Variants in CCSER1 observed in about 807,000 individuals in gnomAD.
CCSER1 encodes the protein serine-rich coiled-coil domain-containing protein 1.
Under a neutral mutation model 82.0 loss-of-function variants are expected in CCSER1, and 41 were observed. The observed-to-expected ratio is 0.50, with a 90% CI of 0.39 to 0.65. CCSER1 has a LOEUF of 0.65. Ranked by LOEUF, CCSER1 falls within the 30% of genes least tolerant of loss-of-function variation. The pLI is 0.00. For missense variants in CCSER1, 1,119 were observed against 1,064.2 expected (o/e 1.05, Z -0.72); for synonymous variants, 414 against 383.9 (o/e 1.08, Z -0.92).
chr4:90,599,280 C>T (rs1783754556), intron 5 of CCSER1, among the ~76,000 whole-genome samples: 1 of 151,918 alleles, frequency 6.6e-6, no homozygotes, highest in Non-Finnish European at 1.5e-5. Context: ...GTGGTTTTTC[C>T]CATTATGTTT....
intron 9 of CCSER1, among the ~76,000 whole-genome samples, chr4:90,997,227 G>T (rs1737575957): frequency 6.6e-6 from 1 of 152,080 alleles, no homozygotes; most frequent in Non-Finnish European, 1.5e-5. Flanking sequence ...CTTCTAAAAT[G>T]TGTCCACATT....
At chr4:90,141,672 C>T (rs1413341316) in intron 1 of CCSER1, among the ~76,000 whole-genome samples, 19 of 152,198 alleles carry the variant, frequency 1.2e-4, no homozygotes, top group Admixed American at 1.2e-3. Flanking sequence ...TGTTAGATGA[C>T]TGACTGGTAA....
chr4:90,714,015 C>T (rs190527695), intron 6 of CCSER1, among the ~76,000 whole-genome samples: 8 of 151,846 alleles, frequency 5.3e-5, no homozygotes, highest in African/African-American at 1.9e-4. Flanking sequence ...CCTTCTAAGT[C>T]TCTTTCAGTC....
intron 10 of CCSER1, among the ~76,000 whole-genome samples, chr4:91,160,211 C>T (rs551182013): frequency 6.6e-6 from 1 of 152,284 alleles, no homozygotes; most frequent in East Asian, 1.9e-4. Context: ...CATGTCCCTA[C>T]AAAGGACATG....
At chr4:90,549,181 A>C (rs1777154788) in intron 5 of CCSER1, among the ~76,000 whole-genome samples, 2 of 152,150 alleles carry the variant, frequency 1.3e-5, no homozygotes, top group Non-Finnish European at 2.9e-5. Context: ...TCATTTAACA[A>C]ATGTTAGTTG....
chr4:90,982,316 T>C (rs1461596), intron 9 of CCSER1, among the ~76,000 whole-genome samples: 144,737 of 151,696 alleles, frequency 0.95, 69,113 homozygotes, highest in African/African-American at 0.98. Context: ...AGGCTCCACC[T>C]TCATGACTTC....
At chr4:91,439,899 C>G (rs1578458606) in intron 10 of CCSER1, among the ~76,000 whole-genome samples, 1 of 152,202 alleles carries the variant, frequency 6.6e-6, no homozygotes, top group African/African-American at 2.4e-5. Flanking sequence ...GGGATCACTA[C>G]AACAAGAAGA....
chr4:90,322,735 C>T (rs1287594997), intron 3 of CCSER1, among the ~76,000 whole-genome samples: 1 of 152,000 alleles, frequency 6.6e-6, no homozygotes, highest in Non-Finnish European at 1.5e-5. Flanking sequence ...TAATGCTTAC[C>T]AGGCAAAGTC....
chr4:90,780,506 C>T, intron 7 of CCSER1: 2 of 1,610,062 alleles, frequency 1.2e-6, no homozygotes, highest in Non-Finnish European at 1.7e-6. Flanking sequence ...GTTCAGGAGG[C>T]CTAGATGATC....
chr4:91,100,099 A>G (rs1023580564), intron 10 of CCSER1, among the ~76,000 whole-genome samples: 6 of 152,172 alleles, frequency 3.9e-5, no homozygotes, highest in African/African-American at 1.4e-4. Flanking sequence ...GTAAGTCACA[A>G]TATATAGAGT....
At chr4:91,100,505 T>C (rs879538650) in intron 10 of CCSER1, among the ~76,000 whole-genome samples, 7 of 152,182 alleles carry the variant, frequency 4.6e-5, no homozygotes, top group Admixed American at 6.5e-5. Flanking sequence ...ATCAATGATA[T>C]CCTATGCCAG....
At position 90,990,333 on chromosome 4, in the gene CCSER1, A is replaced by C. The variant is rs1736919638; in HGVS notation, c.2172+66886A>C. Among the ~76,000 whole-genome samples the C allele has an allele frequency of 1.3e-5, 2 of 151,898 alleles. 1 individual carries two copies. Among genetic ancestry groups the C allele is most frequent in the South Asian group, 4.1e-4 (2 of 4,830 alleles). On this transcript the variant is annotated intron_variant, in intron 9 of 10. Transcript: ENST00000509176. ...CTGGGGCAAAATGTACCATATAGTA[A>C]AGCCATGTTCTTCTTAAAATACGAT...
rs181358565 is a variant in CCSER1 at position 90,276,582 on chromosome 4, T to G, written c.-41-31662T>G. 1.8e-4 allele frequency among the ~76,000 whole-genome samples: 28 copies of G among 151,926 alleles called. No individual in the cohort carries two copies. In the East Asian group the frequency reaches 5.5e-3, roughly 30 times the overall value. ...GCTGGTCTCGAAATCCTGGCCTCAGTTGATCCACCTGCCTTGCCCACCCAA... is the reference window on the plus strand; with the variant it reads ...GCTGGTCTCGAAATCCTGGCCTCAGGTGATCCACCTGCCTTGCCCACCCAA... On this transcript the variant is annotated intron_variant, in intron 1 of 10. Coordinates refer to ENST00000509176, the MANE Select transcript of CCSER1 (RefSeq NM_001145065.2).
chr4:91,300,079 C>T lies in CCSER1; in HGVS notation c.2217+214085C>T, dbSNP rs531752645. The stretch of plus-strand genomic sequence containing the variant: ...GTTGCCTTGACTTTGGAGTACTTTT[C>T]AGACTCAGGAAGTCAATAATCCTTT... On this transcript the variant is annotated intron_variant, in intron 10 of 10. Transcript: ENST00000509176. 2.0e-5 allele frequency among the ~76,000 whole-genome samples: 3 copies of T among 152,026 alleles called. No individual in the cohort carries two copies. The East Asian group carries it at 5.9e-4, about 30-fold the overall frequency.
intron 10 of CCSER1, among the ~76,000 whole-genome samples, chr4:91,501,621 C>T (rs1228707315): frequency 5.3e-5 from 8 of 151,912 alleles, no homozygotes; most frequent in African/African-American, 1.9e-4. Context: ...ATTGTAGTTT[C>T]ACATACTTAT....
chr4:90,133,095 A>G (rs760977726), intron 1 of CCSER1, among the ~76,000 whole-genome samples: 4 of 152,130 alleles, frequency 2.6e-5, no homozygotes, highest in Non-Finnish European at 5.9e-5. Context: ...TTTGAAAGCC[A>G]CTGACCTAGA....
At position 90,918,384 on chromosome 4, in the gene CCSER1, T is replaced by G. The variant is rs369262568; in HGVS notation, c.2095-4986T>G. The G allele has an allele frequency of 2.1e-3, 835 of 395,030 alleles. 10 individuals are homozygous for G. The highest frequency in any genetic ancestry group is 0.015 in the South Asian group (807 of 53,064). The allele number at this position is 395,030 out of a possible 1,614,324, so 24.5% of individuals were successfully genotyped here. A position where few individuals can be genotyped will look rare whatever the true frequency, so the allele number is the denominator to read the frequency against. On this transcript the variant is annotated intron_variant, in intron 8 of 10. Transcript: ENST00000509176. Reference sequence around the variant, plus strand: ...ACTGATTTTTTGGGATTATTGAGTATTTTTATTTCAGCTCGTTTTACAGCA... The same window carrying G: ...ACTGATTTTTTGGGATTATTGAGTAGTTTTATTTCAGCTCGTTTTACAGCA...
intron 1 of CCSER1, among the ~76,000 whole-genome samples, chr4:90,226,573 G>T (rs1042449451): frequency 1.3e-5 from 2 of 152,200 alleles, no homozygotes; most frequent in African/African-American, 4.8e-5. Flanking sequence ...TTGGTTTTGA[G>T]AATTCAAGGA....
At chr4:91,496,960 A>C (rs1758955515) in intron 10 of CCSER1, among the ~76,000 whole-genome samples, 1 of 148,922 alleles carries the variant, frequency 6.7e-6, no homozygotes, top group Admixed American at 6.9e-5. Flanking sequence ...ATAAAACAGA[A>C]GGTTGCATAG....
Sources: allele counts gnomAD v4.1 joint callset (sites outside exome capture counted in the v4.1 genomes callset), GRCh38; gene constraint gnomAD v4.1.1; transcripts MANE v1.5; gene names NCBI Gene and HGNC (gene_info 2026-07-23, HGNC 2026-07-21).